SPAST: variants seen among roughly 807,000 people sequenced by gnomAD.
SPAST encodes the protein spastin.
In SPAST, 30 loss-of-function variants were observed where a neutral mutation model predicts 76.6. The observed-to-expected ratio is 0.39, with a 90% CI of 0.29 to 0.53. SPAST has a LOEUF of 0.53. SPAST is among the 20% of genes least tolerant of loss of function. The pLI, the probability that SPAST is intolerant of heterozygous loss-of-function variation, is 0.68. For synonymous variants in SPAST, 305 were observed against 281.0 expected (o/e 1.09, Z -0.86); for missense variants, 717 against 770.5 (o/e 0.93, Z 0.82).
intron 5 of SPAST, among the ~76,000 whole-genome samples, chr2:32,115,076 G>A (rs1321139128): frequency 1.3e-5 from 2 of 150,126 alleles, no homozygotes; most frequent in African/African-American, 2.4e-5. Context: ...AGCCTCCCAA[G>A]TAGCTGGGAT....
chr2:32,072,068 A>T (rs1000068761), intron 1 of SPAST, among the ~76,000 whole-genome samples: 7 of 152,200 alleles, frequency 4.6e-5, no homozygotes, highest in Admixed American at 3.9e-4. Context: ...TTTGAGACAG[A>T]GTCTCGCTCT....
chr2:32,119,993 T>C (rs1244577879), intron 7 of SPAST, among the ~76,000 whole-genome samples: 2 of 152,040 alleles, frequency 1.3e-5, no homozygotes, highest in Admixed American at 1.3e-4. Context: ...AGCTCTTCTC[T>C]ATCTACTAAA....
At chr2:32,152,935 A>G (rs1282295208) in intron 16 of SPAST, among the ~76,000 whole-genome samples, 1 of 152,090 alleles carries the variant, frequency 6.6e-6, no homozygotes, top group East Asian at 1.9e-4. Context: ...TTTTGTAGAG[A>G]TGAGGCTTTG....
chr2:32,110,654 G>A (rs1383032294), intron 4 of SPAST, among the ~76,000 whole-genome samples: 1 of 134,552 alleles, frequency 7.4e-6, no homozygotes, highest in Non-Finnish European at 1.5e-5. Context: ...AGTATATATA[G>A]TATAGTATAT....
At chr2:32,086,605 A>G (rs1447070066) in intron 1 of SPAST, among the ~76,000 whole-genome samples, 2 of 152,010 alleles carry the variant, frequency 1.3e-5, no homozygotes, top group Non-Finnish European at 2.9e-5. Flanking sequence ...TTAAATTACA[A>G]AGATTAGCTG....
intron 1 of SPAST, among the ~76,000 whole-genome samples, chr2:32,074,605 C>G (rs1380514724): frequency 6.6e-6 from 1 of 151,862 alleles, no homozygotes; most frequent in Non-Finnish European, 1.5e-5. Flanking sequence ...CTCCTGGATT[C>G]AAGCGACTCT....
At chr2:32,091,422 A>G (rs925151839) in intron 3 of SPAST, among the ~76,000 whole-genome samples, 1 of 151,296 alleles carries the variant, frequency 6.6e-6, no homozygotes, top group Admixed American at 6.6e-5. Flanking sequence ...CTAGGATTAC[A>G]GGGGCCTACC....
chr2:32,102,204 T>C (rs1678152445), intron 4 of SPAST, among the ~76,000 whole-genome samples: 1 of 152,222 alleles, frequency 6.6e-6, no homozygotes, highest in African/African-American at 2.4e-5. Context: ...CCTTGTAAGT[T>C]GGATTCCTAG....
intron 6 of SPAST, 70 bp from the exon 7 acceptor site, chr2:32,116,049 G>T: frequency 1.7e-6 from 2 of 1,163,146 alleles, no homozygotes; most frequent in Non-Finnish European, 2.6e-6. Context: ...ATGTCATAGG[G>T]CTTAGGCTTC....
intron 7 of SPAST, among the ~76,000 whole-genome samples, chr2:32,124,754 C>A (rs914400107): frequency 6.6e-6 from 1 of 152,018 alleles, no homozygotes; most frequent in Non-Finnish European, 1.5e-5. Flanking sequence ...TATGGAGGAA[C>A]CATAAATGCA....
chr2:32,064,032 C>A lies in SPAST; in HGVS notation c.201C>A (p.Val67=). Residue 67 remains valine, a synonymous_variant, in exon 1 of 17, where the codon GTC becomes GTA. Coordinates refer to ENST00000315285, the MANE Select transcript of SPAST (RefSeq NM_014946.4). ...LFVGFALLRL[V]AFHLGLLFVW... ...TAGGCTTCGCGCTGCTGCGTTTGGT[C>A]GCCTTCCACCTGGGGCTCCTCTTCG... The A allele has an allele frequency of 1.2e-6, 2 of 1,613,374 alleles. No homozygotes were observed. Among genetic ancestry groups the A allele is most frequent in the South Asian group, 2.2e-5 (2 of 91,048 alleles).
chr2:32,065,351 A>T (rs1289338578), intron 1 of SPAST, among the ~76,000 whole-genome samples: 1 of 152,090 alleles, frequency 6.6e-6, no homozygotes, highest in Non-Finnish European at 1.5e-5. Flanking sequence ...TGTGCCAGGC[A>T]TTGTGCTATT....
chr2:32,099,895 T>A (rs1285211623), intron 4 of SPAST, among the ~76,000 whole-genome samples: 1 of 152,190 alleles, frequency 6.6e-6, no homozygotes, highest in East Asian at 1.9e-4. Flanking sequence ...TACCACATTT[T>A]CTTTATTCAT....
chr2:32,075,983 C>G (rs1676949777), intron 1 of SPAST, among the ~76,000 whole-genome samples: 1 of 145,978 alleles, frequency 6.9e-6, no homozygotes, highest in Admixed American at 6.9e-5. Context: ...TCACTGCAAC[C>G]TCTGCCTCCC....
chr2:32,083,772 A>ATTTTTT (rs1254717387), intron 1 of SPAST, among the ~76,000 whole-genome samples: 4 of 51,180 alleles, frequency 7.8e-5, no homozygotes, highest in Non-Finnish European at 1.2e-4. Context: ...ATATATATAT[A>ATTTTTT]TATATTTTTT....
intron 1 of SPAST, among the ~76,000 whole-genome samples, chr2:32,067,353 T>C (rs1676563486): frequency 6.6e-6 from 1 of 152,092 alleles, no homozygotes; most frequent in African/African-American, 2.4e-5. Flanking sequence ...TGAGCCGCGG[T>C]GACCGACCAC....
intron 4 of SPAST, among the ~76,000 whole-genome samples, chr2:32,111,588 C>T (rs2365558): frequency 0.41 from 62,480 of 150,822 alleles, 13,229 homozygotes; most frequent in East Asian, 0.64. Flanking sequence ...TATTTTTTCC[C>T]TTTTGAGTTT....
chr2:32,064,116 C>T lies in SPAST; in HGVS notation c.285C>T (p.Ala95=), dbSNP rs754540160. Residue 95 remains alanine, a synonymous_variant, in exon 1 of 17, where the codon GCC becomes GCT. Coordinates refer to ENST00000315285, the MANE Select transcript of SPAST (RefSeq NM_014946.4). ...ALMAAKRSSG[A]APAPASASAP... ...TGGCAGCCAAGAGGAGCTCCGGGGCCGCGCCAGCACCTGCCTCGGCCTCGG... is the reference window on the plus strand; with the variant it reads ...TGGCAGCCAAGAGGAGCTCCGGGGCTGCGCCAGCACCTGCCTCGGCCTCGG... The T allele has an allele frequency of 6.9e-6, 11 of 1,596,730 alleles. No homozygotes were observed. The highest frequency in any genetic ancestry group is 4.0e-5 in the African/African-American group (3 of 74,518).
intron 15 of SPAST, 74 bp downstream of exon 15, chr2:32,145,081 A>G (rs1679844154): frequency 8.9e-7 from 1 of 1,127,472 alleles, no homozygotes; most frequent in Non-Finnish European, 1.3e-6. Flanking sequence ...GTCCAAAAAA[A>G]TCTACCAAGA....
Sources: allele counts gnomAD v4.1 joint callset (sites outside exome capture counted in the v4.1 genomes callset), GRCh38; gene constraint gnomAD v4.1.1; transcripts MANE v1.5; gene names NCBI Gene and HGNC (gene_info 2026-07-23, HGNC 2026-07-21).